HCN2: variants seen among roughly 807,000 people sequenced by gnomAD.
The protein encoded by HCN2 is potassium/sodium hyperpolarization-activated cyclic nucleotide-gated channel 2.
In HCN2, 20 loss-of-function variants were observed where a neutral mutation model predicts 52.3. The ratio of observed to expected loss-of-function variants is 0.38; its 90% confidence interval spans 0.27 to 0.56. HCN2 has a LOEUF of 0.56. HCN2 is among the 20% of genes least tolerant of loss of function. The pLI is 0.71. For synonymous variants in HCN2, 694 were observed against 537.0 expected, an observed-to-expected ratio of 1.29 and a Z score of -4.04; for missense variants, 981 against 1,207.7, an observed-to-expected ratio of 0.81 and a Z score of 2.78.
At chr19:604,525 T>C (rs1157209865) in intron 2 of HCN2, among the ~76,000 whole-genome samples, 1 of 104,190 alleles carries the variant, frequency 9.6e-6, no homozygotes, top group African/African-American at 4.1e-5. Flanking sequence ...GGGGCAGGGC[T>C]GTGAGGGTGC....
At position 590,218 on chromosome 19, in the gene HCN2, G is replaced by A; in HGVS notation, c.273G>A (p.Ala91=). 1.0e-6 allele frequency: 1 copy of A among 985,882 alleles called. No individual in the cohort carries two copies. The highest frequency in any genetic ancestry group is 5.1e-4 in the Middle Eastern group (1 of 1,942). The allele number at this position is 985,882 out of a possible 1,614,324, so 61.1% of individuals were successfully genotyped here. ...GCCGCCCCGGCACCCCGGGCGCGGC[G>A]AGCACGGCCAAGGGCAGCCCGAACG... ...SCGRPGTPGA[A]STAKGSPNGE... is the part of the protein sequence containing the mutation. The change falls in exon 1 of 8, where the codon GCG becomes GCA. Residue 91 remains alanine (A), a synonymous_variant. Coordinates refer to ENST00000251287, the MANE Select transcript of HCN2 (RefSeq NM_001194.4). The surrounding 1 kb of genome is among the most constrained non-coding windows in gnomAD (Gnocchi z 7.2).
At chr19:603,463 C>G (rs1186050101) in intron 1 of HCN2, 81 bp from the exon 2 acceptor site, 3 of 1,188,470 alleles carry the variant, frequency 2.5e-6, no homozygotes, top group African/African-American at 3.1e-5. Flanking sequence ...CCCCTCGTCC[C>G]CCAAGGAAGA....
chr19:593,041 C>T (rs552012469), intron 1 of HCN2, among the ~76,000 whole-genome samples: 63 of 152,172 alleles, frequency 4.1e-4, no homozygotes, highest in Non-Finnish European at 7.4e-4. Context: ...ACACTCTCTT[C>T]ACCTCCCCTT....
intron 7 of HCN2, among the ~76,000 whole-genome samples, chr19:614,343 C>T (rs1252505928): frequency 1.3e-5 from 2 of 152,174 alleles, no homozygotes; most frequent in African/African-American, 2.4e-5. Context: ...GCCGAATGCT[C>T]GGTGAGCACC....
chr19:593,190 C>G (rs1982922123), intron 1 of HCN2, among the ~76,000 whole-genome samples: 1 of 152,340 alleles, frequency 6.6e-6, no homozygotes, highest in South Asian at 2.1e-4. Context: ...GCCTCTTTCA[C>G]GCCCCACGTC....
chr19:597,156 C>T (rs1983054765), intron 1 of HCN2, among the ~76,000 whole-genome samples: 1 of 152,230 alleles, frequency 6.6e-6, no homozygotes, highest in African/African-American at 2.4e-5. Context: ...TCTCCTAGGC[C>T]CCTCTGCTCT....
intron 5 of HCN2, among the ~76,000 whole-genome samples, chr19:610,821 C>T (rs1379282945): frequency 1.3e-5 from 2 of 152,168 alleles, no homozygotes; most frequent in African/African-American, 4.8e-5. Flanking sequence ...GGAACAAATA[C>T]CCACAGGCTG....
chr19:609,338 A>G (rs925443878), intron 4 of HCN2, among the ~76,000 whole-genome samples: 2 of 152,064 alleles, frequency 1.3e-5, no homozygotes, highest in African/African-American at 4.8e-5. Flanking sequence ...GGCTGACCCG[A>G]TGGTTTCTGG....
At position 595,574 on chromosome 19, in the gene HCN2, G is replaced by A. The variant is rs373308639; in HGVS notation, c.632+4997G>A. On this transcript the variant is annotated intron_variant, in intron 1 of 7. Coordinates refer to ENST00000251287, the MANE Select transcript of HCN2 (RefSeq NM_001194.4). ...CCCTCACCATCTCATCCACCCACAC[G>A]CCACCTCCTCCAAGGAGCCCTCCCA... Among the ~76,000 whole-genome samples, 45 of 152,108 alleles carry A rather than the reference G, an allele frequency of 3.0e-4. No homozygotes were observed. In the East Asian group the frequency reaches 6.8e-3, roughly 23 times the overall value.
rs1387285849 is a variant in HCN2 at position 613,250 on chromosome 19, G to A, written c.1587G>A (p.Glu529=). 2 of 1,611,098 alleles carry A rather than the reference G, an allele frequency of 1.2e-6. No individual in the cohort carries two copies. Among genetic ancestry groups the A allele is most frequent in the African/African-American group, 2.7e-5 (2 of 74,856 alleles). The part of the protein sequence containing the change: ...LGELNGPLRE[E]IVNFNCRKLV... The stretch of plus-strand genomic sequence containing the variant: ...CCAGCCCTGCCTCCCCCCTGCAGGA[G>A]ATCGTCAACTTCAACTGCCGGAAGC... Residue 529 remains glutamate (E), a splice_region_variant and synonymous_variant, in exon 6 of 8, where the codon GAG becomes GAA. Transcript: ENST00000251287.
At chr19:608,592 G>T (rs926213549) in intron 4 of HCN2, among the ~76,000 whole-genome samples, 4 of 152,134 alleles carry the variant, frequency 2.6e-5, no homozygotes, top group Non-Finnish European at 5.9e-5. Flanking sequence ...GTGGGGCGGG[G>T]GCTGGGGAGG....
intron 6 of HCN2, 46 bp downstream of exon 6, chr19:613,534 C>G (rs774897557): frequency 7.3e-7 from 1 of 1,367,484 alleles, no homozygotes; most frequent in South Asian, 1.2e-5. Flanking sequence ...GGCACGCGAC[C>G]CCCGCGGTGT....
intron 5 of HCN2, among the ~76,000 whole-genome samples, chr19:611,000 CT>C (rs757289195): frequency 5.9e-5 from 9 of 152,344 alleles, no homozygotes; most frequent in Admixed American, 2.0e-4. Context: ...ATTGATCTCC[CT>C]GATCTCTGCC....
chr19:604,931 G>T (rs1173906659), intron 2 of HCN2, 130 bp from the exon 3 acceptor site: 17 of 963,090 alleles, frequency 1.8e-5, no homozygotes, highest in African/African-American at 7.5e-5. Context: ...TGGGGCGGGG[G>T]TCCTGTGCGG....
intron 1 of HCN2, among the ~76,000 whole-genome samples, chr19:598,869 A>G (rs1031845085): frequency 6.6e-6 from 1 of 152,128 alleles, no homozygotes; most frequent in East Asian, 1.9e-4. Flanking sequence ...CAGCCTCCTT[A>G]AGCCCTGGAA....
At chr19:595,718 C>A (rs772293604) in intron 1 of HCN2, among the ~76,000 whole-genome samples, 1 of 151,948 alleles carries the variant, frequency 6.6e-6, no homozygotes, top group Non-Finnish European at 1.5e-5. Context: ...CGGGATCACC[C>A]GGGAACCCGA....
chr19:604,634 G>GACATCCGAGTGGAGATATGAGGGTTGT (rs1983342117), intron 2 of HCN2, among the ~76,000 whole-genome samples: 1 of 96,310 alleles, frequency 1.0e-5, no homozygotes, highest in Non-Finnish European at 2.0e-5. Context: ...GGCGGGGTCA[G>GACATCCGAGTGGAGATATGAGGGTTGT]GCAGCAAGGG....
At position 603,656 on chromosome 19, in the gene HCN2, G is replaced by A; in HGVS notation, c.745G>A (p.Val249Met). The change falls in exon 2 of 8, where the codon GTG becomes ATG. Residue 249 changes from valine to methionine, a missense_variant. Val to Met is a conservative substitution (Grantham distance 21). Transcript: ENST00000251287. ...ETTAPWIVFNVVSDTFFLMDL... is the reference protein window; with the variant it reads ...ETTAPWIVFNMVSDTFFLMDL... ...CACTGCCCCGTGGATCGTGTTCAACGTGGTCTCGGACACCTTCTTCCTCAT... is the reference window on the plus strand; with the variant it reads ...CACTGCCCCGTGGATCGTGTTCAACATGGTCTCGGACACCTTCTTCCTCAT... The A allele has an allele frequency of 6.2e-7, 1 of 1,612,628 alleles. No homozygotes were observed. The highest frequency in any genetic ancestry group is 8.5e-7 in the Non-Finnish European group (1 of 1,179,676).
At position 590,026 on chromosome 19, in the gene HCN2, G is replaced by A; in HGVS notation, c.81G>A (p.Pro27=). ...CGCCGGGGCCGCCGCCGCCGCCGCC[G>A]CCCGCGCCCCCCCAACAGCAGCCGC... is the stretch of plus-strand genomic sequence containing the variant. The part of the protein sequence containing the change: ...TPAPGPPPPP[P]PAPPQQQPPP... Residue 27 remains proline, a synonymous_variant, in exon 1 of 8, where the codon CCG becomes CCA. Transcript: ENST00000251287. This position sits in a 1 kb window ranked among gnomAD's most constrained non-coding sequence, Gnocchi z 7.2. 4 of 592,044 alleles carry A rather than the reference G, an allele frequency of 6.8e-6. No individual in the cohort carries two copies. The highest frequency in any genetic ancestry group is 8.3e-6 in the Non-Finnish European group (4 of 484,070). 36.7% of individuals were successfully genotyped at this position (592,044 alleles called of 1,614,324 possible). A position where few individuals can be genotyped will look rare whatever the true frequency, so the allele number is the denominator to read the frequency against.
Sources: gnomAD v4.1 joint callset for allele counts (sites outside exome capture counted in the v4.1 genomes callset) on GRCh38, gnomAD v4.1.1 for gene constraint, Gnocchi (gnomAD v3.1) non-coding constraint, MANE v1.5 for transcripts, NCBI Gene and HGNC (gene_info 2026-07-23, HGNC 2026-07-21) for gene names.